Variants in NBPF26 observed in about 807,000 individuals in gnomAD.
NBPF26 encodes the protein NBPF member 26, also known as NBPF family member NBPF26.
NBPF26 carries 79 observed loss-of-function variants against 119.6 expected under a neutral mutation model. The observed-to-expected ratio is 0.66, with a 90% CI of 0.55 to 0.80. NBPF26 has a LOEUF of 0.80. Ranked by LOEUF, NBPF26 falls within the 30% of genes least tolerant of loss-of-function variation. The pLI is 0.00. For missense variants in NBPF26, 800 were observed against 1,198.2 expected (o/e 0.67, Z 4.91); for synonymous variants, 299 against 457.7 (o/e 0.65, Z 4.43).
chr1:120,812,106 T>C lies in NBPF26; in HGVS notation c.1774+11T>C, dbSNP rs1651883433. The C allele has an allele frequency of 1.8e-5, 21 of 1,171,920 alleles. 5 individuals are homozygous for C. In the Admixed American group the frequency reaches 2.0e-4, roughly 11 times the overall value. 72.6% of individuals were successfully genotyped at this position (1,171,920 alleles called of 1,614,324 possible). A position where few individuals can be genotyped will look rare whatever the true frequency, so the allele number is the denominator to read the frequency against. On this transcript the variant is annotated intron_variant, in intron 10 of 29. Transcript: ENST00000620612. Reference sequence around the variant, plus strand: ...AGCAGAACAAATACAGTAAGATCTATTGGCTCACCATCACGAAAGTGATGA... The same window carrying C: ...AGCAGAACAAATACAGTAAGATCTACTGGCTCACCATCACGAAAGTGATGA...
chr1:120,817,187 G>A lies in NBPF26; in HGVS notation c.2371+360G>A, dbSNP rs1306295847. ...TTTCTATGCCTGTTTAAGGAAGCTG[G>A]CAGCCTTGCCTTTGTATTTGGAAAT... On this transcript the variant is annotated intron_variant, in intron 14 of 29. Coordinates refer to ENST00000620612, the Ensembl canonical transcript of NBPF26. Among the ~76,000 whole-genome samples, 8 of 116,746 alleles carry A rather than the reference G, an allele frequency of 6.9e-5. 2 individuals carry two copies. The East Asian group carries it at 1.1e-3, about 15-fold the overall frequency. 76.6% of individuals were successfully genotyped at this position (116,746 alleles called of 152,430 possible). A position where few individuals can be genotyped will look rare whatever the true frequency, so the allele number is the denominator to read the frequency against.
intron 4 of NBPF26, 187 bp from the exon 5 acceptor site, chr1:120,805,369 A>C (rs1651655491): frequency 1.9e-6 from 2 of 1,080,552 alleles, no homozygotes; most frequent in Non-Finnish European, 2.6e-6. Context: ...CAGTGCTTTC[A>C]GCTCTGAGTT....
intron 1 of NBPF26, among the ~76,000 whole-genome samples, chr1:120,727,808 C>A (rs1371485460): frequency 2.6e-5 from 3 of 115,096 alleles, no homozygotes; most frequent in Non-Finnish European, 4.9e-5. Context: ...TTTTTGTTTC[C>A]CCCCCTTTCT....
Position 120,840,232 on chromosome 1 carries a change from T to C in NBPF26, c.4104-118T>C. The C allele has an allele frequency of 4.3e-6, 6 of 1,390,746 alleles. 2 individuals are homozygous for C. The highest frequency in any genetic ancestry group is 5.7e-6 in the Non-Finnish European group (6 of 1,051,744). The allele number at this position is 1,390,746 out of a possible 1,614,324, so 86.2% of individuals were successfully genotyped here. A position where few individuals can be genotyped will look rare whatever the true frequency, so the allele number is the denominator to read the frequency against. ...GCAATAAATTTTTTTTTTACCTCAT[T>C]AATGGATCTATCCTTTTTCTTTTCT... On this transcript the variant is annotated intron_variant, in intron 29 of 29. Coordinates refer to ENST00000620612, the Ensembl canonical transcript of NBPF26.
At chr1:120,784,580 T>G (rs1174654434) in intron 2 of NBPF26, among the ~76,000 whole-genome samples, 1 of 117,994 alleles carries the variant, frequency 8.5e-6, no homozygotes, top group East Asian at 2.1e-4. Context: ...CTTCTCTGAT[T>G]TTCCTATTCT....
At chr1:120,833,513 C>T (rs1652411530) in intron 23 of NBPF26, 90 bp from the exon 28 acceptor site, 1 of 530,886 alleles carries the variant, frequency 1.9e-6, no homozygotes, top group Non-Finnish European at 3.2e-6. Flanking sequence ...TCTTTTCAAA[C>T]TCTTCCTTAC....
At position 120,823,752 on chromosome 1, in the gene NBPF26, CTGTGTGTG is replaced by C. The variant is rs1177031452; in HGVS notation, c.2640-190_2640-183del. 1.0e-3 allele frequency among the ~76,000 whole-genome samples: 77 copies of C among 73,376 alleles called. 13 individuals carry two copies. Among genetic ancestry groups the C allele is most frequent in the Admixed American group, 6.9e-3 (55 of 7,964 alleles). 48.1% of individuals were successfully genotyped at this position (73,376 alleles called of 152,430 possible). ...ACCTGACCAATTCACTGAGCTCGCT[CTGTGTGTG>C]TGTGTGTGTGTGTGTGTGTGTGTGT... On this transcript the variant is annotated intron_variant, in intron 17 of 29. Transcript: ENST00000620612.
At chr1:120,789,417 TG>T (rs1319169704) in intron 3 of NBPF26, among the ~76,000 whole-genome samples, 2 of 102,960 alleles carry the variant, frequency 1.9e-5, no homozygotes, top group Non-Finnish European at 3.6e-5. Context: ...TCCATATGGC[TG>T]GGGAGGCCTC....
At position 120,811,972 on chromosome 1, in the gene NBPF26, C is replaced by G; in HGVS notation, c.1651C>G (p.Leu551Val). The change falls in exon 10 of 30, where the codon CTA becomes GTA. Residue 551 changes from leucine (L) to valine (V), a missense_variant. Transcript: ENST00000620612. ...CGGCGAGAAGGCAGCGATAAACATT[C>G]TAGAAATCAATGAGAAATTGCGCCC... 3.2e-6 allele frequency: 4 copies of G among 1,236,230 alleles called. No homozygotes were observed. In the South Asian group the frequency reaches 3.8e-5, roughly 12 times the overall value. 76.6% of individuals were successfully genotyped at this position (1,236,230 alleles called of 1,614,324 possible).
In NBPF26 at chr1:120,761,174, T is replaced by G. The variant is rs1385116356; in HGVS notation, c.74-2454T>G. Among the ~76,000 whole-genome samples the G allele has an allele frequency of 8.3e-4, 105 of 126,440 alleles. 17 individuals are homozygous for G. The highest frequency in any genetic ancestry group is 1.6e-5 in the Non-Finnish European group (1 of 61,418). 82.9% of individuals were successfully genotyped at this position (126,440 alleles called of 152,430 possible). On this transcript the variant is annotated intron_variant, in intron 1 of 29. Coordinates refer to ENST00000620612, the Ensembl canonical transcript of NBPF26. ...TGCTACATATTGACTTTGGGTTGCT[T>G]GTATTTCTCTGAACCTGTCACTGTA...
chr1:120,842,072 G>C (rs1273334366), downstream of NBPF26, among the ~76,000 whole-genome samples: 1 of 105,462 alleles, frequency 9.5e-6, no homozygotes, highest in African/African-American at 6.0e-5. Context: ...TTTGTCCAAA[G>C]TTAATTTTAA....
intron 2 of NBPF26, among the ~76,000 whole-genome samples, chr1:120,777,264 G>A (rs1335302219): frequency 5.2e-5 from 1 of 19,306 alleles, no homozygotes; most frequent in Admixed American, 6.1e-4. Flanking sequence ...TTTTCCTGTG[G>A]GAAACTTTTA....
At chr1:120,788,106 G>T (rs1240225927) in intron 3 of NBPF26, among the ~76,000 whole-genome samples, 1 of 60,402 alleles carries the variant, frequency 1.7e-5, no homozygotes, top group Non-Finnish European at 2.8e-5. Context: ...TTGGGCTGTT[G>T]TAGTTGCCCA....
chr1:120,764,232 G>A (rs1427271985), intron 2 of NBPF26, among the ~76,000 whole-genome samples: 6 of 114,218 alleles, frequency 5.3e-5, no homozygotes, highest in Non-Finnish European at 8.4e-5. Context: ...GGGTGACAGA[G>A]CAAGACTCCG....
intron 2 of NBPF26, among the ~76,000 whole-genome samples, chr1:120,777,985 C>T (rs1450016807): frequency 1.2e-5 from 1 of 81,716 alleles, no homozygotes; most frequent in Non-Finnish European, 2.1e-5. Context: ...GGGGTACCTA[C>T]AAGTTTGTAG....
rs1651437937 is a variant in NBPF26 at position 120,787,837 on chromosome 1, TA to T, written c.415+2605del. On this transcript the variant is annotated intron_variant, in intron 3 of 29. Coordinates refer to ENST00000620612, the Ensembl canonical transcript of NBPF26. Reference sequence around the variant, plus strand: ...AAGGAGAAAGGAAATAAAATGAAGATATTTTCTTAGTACAAGTGTGTGCAAG... The same window carrying T: ...AAGGAGAAAGGAAATAAAATGAAGATTTTTCTTAGTACAAGTGTGTGCAAG... Among the ~76,000 whole-genome samples the T allele has an allele frequency of 2.9e-5, 2 of 68,046 alleles. 1 individual carries two copies. Among genetic ancestry groups the T allele is most frequent in the South Asian group, 9.3e-4 (2 of 2,150 alleles). 44.6% of individuals were successfully genotyped at this position (68,046 alleles called of 152,430 possible). A position where few individuals can be genotyped will look rare whatever the true frequency, so the allele number is the denominator to read the frequency against.
intron 1 of NBPF26, among the ~76,000 whole-genome samples, chr1:120,760,084 T>G (rs1227258849): frequency 1.0e-5 from 1 of 98,116 alleles, no homozygotes; most frequent in Non-Finnish European, 1.8e-5. Context: ...CTTATTTCAC[T>G]TAGCATAATG....
chr1:120,811,975 G>T lies in NBPF26; in HGVS notation c.1654G>T (p.Glu552Ter). The change falls in exon 10 of 30, where the codon GAA becomes TAA. Residue 552 changes from glutamate to a stop codon, truncating the protein, a stop_gained. Transcript: ENST00000620612. LOFTEE classifies it high-confidence loss of function. ...CGAGAAGGCAGCGATAAACATTCTA[G>T]AAATCAATGAGAAATTGCGCCCCCA... The T allele has an allele frequency of 2.4e-6, 3 of 1,236,176 alleles. No homozygotes were observed. Among genetic ancestry groups the T allele is most frequent in the Non-Finnish European group, 3.3e-6 (3 of 896,306 alleles). 76.6% of individuals were successfully genotyped at this position (1,236,176 alleles called of 1,614,324 possible).
In NBPF26 at chr1:120,728,607, T is replaced by A. The variant is rs1650841261; in HGVS notation, c.73+4357T>A. Among the ~76,000 whole-genome samples, 3 of 117,594 alleles carry A rather than the reference T, an allele frequency of 2.6e-5. 1 individual carries two copies. Among genetic ancestry groups the A allele is most frequent in the Non-Finnish European group, 4.9e-5 (3 of 61,230 alleles). The allele number at this position is 117,594 out of a possible 152,430, so 77.1% of individuals were successfully genotyped here. A position where few individuals can be genotyped will look rare whatever the true frequency, so the allele number is the denominator to read the frequency against. The stretch of plus-strand genomic sequence containing the variant: ...ATTACTGTATTACTAGGCCAGCAAT[T>A]TCTGTTATTTTGTCCAGAATAGCCA... On this transcript the variant is annotated intron_variant, in intron 1 of 29. Coordinates refer to ENST00000620612, the Ensembl canonical transcript of NBPF26.
Sources: allele counts gnomAD v4.1 joint callset (sites outside exome capture counted in the v4.1 genomes callset), GRCh38; gene constraint gnomAD v4.1.1; transcripts MANE v1.5; gene names NCBI Gene and HGNC (gene_info 2026-07-23, HGNC 2026-07-21).